Variants in ITK observed in about 807,000 individuals in gnomAD.
ITK encodes the protein tyrosine-protein kinase ITK/TSK.
Under a neutral mutation model 87.6 loss-of-function variants are expected in ITK, and 45 were observed. The observed-to-expected ratio is 0.51, with a 90% CI of 0.40 to 0.66. The LOEUF (loss-of-function observed/expected upper bound fraction) is 0.66, where lower values mean the gene tolerates loss of function less well. Ranked by LOEUF, ITK falls within the 30% of genes least tolerant of loss-of-function variation. The pLI is 0.00. For missense variants in ITK, 605 were observed against 766.3 expected (o/e 0.79, Z 2.48); for synonymous variants, 303 against 273.6 (o/e 1.11, Z -1.06).
chr5:157,241,550 G>T, intron 10 of ITK, 96 bp from the exon 11 acceptor site: 2 of 855,428 alleles, frequency 2.3e-6, no homozygotes. Context: ...TAGCTTTTGC[G>T]TCTGATGATG....
intron 1 of ITK, among the ~76,000 whole-genome samples, chr5:157,200,091 GGAAAGAA>G (rs1753935067): frequency 1.4e-5 from 1 of 73,086 alleles, no homozygotes; most frequent in South Asian, 4.2e-4. Context: ...AAGAGAGAAA[GGAAAGAA>G]GAAAGGAAAG....
chr5:157,214,115 C>G (rs1444657093), intron 3 of ITK, 76 bp from the exon 4 acceptor site: 3 of 1,167,844 alleles, frequency 2.6e-6, no homozygotes, highest in South Asian at 2.4e-5. Flanking sequence ...GGTCTAATCT[C>G]GAGGTGTTAT....
intron 1 of ITK, among the ~76,000 whole-genome samples, chr5:157,200,070 A>G (rs920336973): frequency 2.2e-5 from 3 of 138,204 alleles, no homozygotes; most frequent in Non-Finnish European, 4.6e-5. Context: ...AAAAAGAAAA[A>G]GAAGGAAAGA....
At chr5:157,215,623 G>A (rs1754283509) in intron 4 of ITK, among the ~76,000 whole-genome samples, 1 of 152,114 alleles carries the variant, frequency 6.6e-6, no homozygotes, top group Admixed American at 6.6e-5. Context: ...GAACGGCATG[G>A]GCTTACCTCT....
rs75084309 is a variant in ITK, at chr5:157,222,600, G to A, written c.496-263G>A. 4.3e-3 allele frequency: 2,169 copies of A among 507,536 alleles called. 30 individuals carry two copies. The highest frequency in any genetic ancestry group is 0.036 in the African/African-American group (1,864 of 51,864). 31.4% of individuals were successfully genotyped at this position (507,536 alleles called of 1,614,324 possible). A position where few individuals can be genotyped will look rare whatever the true frequency, so the allele number is the denominator to read the frequency against. On this transcript the variant is annotated intron_variant, in intron 5 of 16. Coordinates refer to ENST00000422843, the MANE Select transcript of ITK (RefSeq NM_005546.4). ...CAGAGAGGCTGCTGCATATAACATA[G>A]TGCAGATAGAGAAACCAGCAGACTT...
intron 5 of ITK, among the ~76,000 whole-genome samples, chr5:157,221,005 C>G (rs1580893040): frequency 2.0e-5 from 3 of 152,242 alleles, no homozygotes; most frequent in African/African-American, 7.2e-5. Context: ...ACTACAGGCA[C>G]TTGCCACCAC....
chr5:157,188,293 T>C (rs993342721), intron 1 of ITK, among the ~76,000 whole-genome samples: 16 of 152,178 alleles, frequency 1.1e-4, no homozygotes, highest in Admixed American at 9.2e-4. Flanking sequence ...CAGATACTAC[T>C]TTCTACCTTA....
chr5:157,210,557 A>G (rs75956536), intron 2 of ITK, among the ~76,000 whole-genome samples: 1 of 140,100 alleles, frequency 7.1e-6, no homozygotes, highest in African/African-American at 2.7e-5. Context: ...ATTTTTTTTT[A>G]TTATACTTTA....
At chr5:157,250,629 AC>A in intron 16 of ITK, among the ~76,000 whole-genome samples, 1 of 151,160 alleles carries the variant, frequency 6.6e-6, no homozygotes, top group African/African-American at 2.4e-5. Context: ...CGATCCTCCT[AC>A]CTCAGCCTCC....
chr5:157,221,603 C>T (rs1249428367), intron 5 of ITK, among the ~76,000 whole-genome samples: 1 of 152,068 alleles, frequency 6.6e-6, no homozygotes, highest in Non-Finnish European at 1.5e-5. Flanking sequence ...AAAAAAAATA[C>T]ATGTCCAGTG....
intron 1 of ITK, among the ~76,000 whole-genome samples, chr5:157,201,572 C>T (rs1332287061): frequency 6.6e-6 from 1 of 152,100 alleles, no homozygotes; most frequent in Non-Finnish European, 1.5e-5. Context: ...GCTGGGATTA[C>T]AGGCATGAGC....
chr5:157,211,189 TA>T, intron 2 of ITK, 97 bp from the exon 3 acceptor site: 2 of 973,218 alleles, frequency 2.1e-6, no homozygotes, highest in Non-Finnish European at 3.3e-6. Flanking sequence ...TATATGACGA[TA>T]AACACCCGAG....
intron 1 of ITK, among the ~76,000 whole-genome samples, chr5:157,208,008 ATT>A (rs1193371207): frequency 6.6e-6 from 1 of 152,288 alleles, no homozygotes; most frequent in East Asian, 1.9e-4. Flanking sequence ...ATAATGACGT[ATT>A]TTGCAACTGG....
chr5:157,240,326 A>C, intron 10 of ITK, 131 bp downstream of exon 10: 1 of 833,566 alleles, frequency 1.2e-6, no homozygotes, highest in Non-Finnish European at 2.0e-6. Context: ...TGCAAGCCCT[A>C]TTGTGAACAG....
chr5:157,237,979 C>T (rs918419560), intron 8 of ITK, 130 bp from the exon 9 acceptor site: 2 of 714,462 alleles, frequency 2.8e-6, no homozygotes, highest in African/African-American at 3.5e-5. Flanking sequence ...GGTAGCCATT[C>T]TTACTGAAAT....
At chr5:157,217,454 A>G (rs1754321152) in intron 4 of ITK, among the ~76,000 whole-genome samples, 1 of 152,176 alleles carries the variant, frequency 6.6e-6, no homozygotes, top group Admixed American at 6.5e-5. Flanking sequence ...CAACCATATC[A>G]GGAAGCTAGT....
chr5:157,191,608 A>G (rs1050697050), intron 1 of ITK, among the ~76,000 whole-genome samples: 2 of 152,188 alleles, frequency 1.3e-5, no homozygotes, highest in Non-Finnish European at 2.9e-5. Context: ...TGACAATTTT[A>G]TATTCTACTT....
At chr5:157,214,043 C>G (rs35974048) in intron 3 of ITK, 148 bp from the exon 4 acceptor site, 14,090 of 753,996 alleles carry the variant, frequency 0.019, 194 homozygotes, top group Non-Finnish European at 0.027. Context: ...TGCATTTATG[C>G]GCTCAGATCA....
At chr5:157,214,368 A>T (rs373452405) in intron 4 of ITK, 49 bp downstream of exon 4, 21 of 1,536,970 alleles carry the variant, frequency 1.4e-5, no homozygotes, top group Middle Eastern at 1.7e-4. Flanking sequence ...ACCATAAAAA[A>T]GTAAAAGCTT....
Sources: gnomAD v4.1 joint callset for allele counts (sites outside exome capture counted in the v4.1 genomes callset) on GRCh38, gnomAD v4.1.1 for gene constraint, MANE v1.5 for transcripts, NCBI Gene and HGNC (gene_info 2026-07-23, HGNC 2026-07-21) for gene names.